The following INSL6 variants were observed in gnomAD, a reference collection of about 807,000 sequenced individuals.
INSL6 encodes insulin-like peptide INSL6.
In INSL6, 16 loss-of-function variants were observed where a neutral mutation model predicts 9.4. That is an observed-to-expected ratio of 1.70 (90% CI 1.15 to 2.59). The LOEUF (loss-of-function observed/expected upper bound fraction) is 2.59. Among genes scored for constraint, INSL6 ranks in the 30% most tolerant of loss-of-function variants. The pLI is 0.00. For missense variants in INSL6, 391 were observed against 257.3 expected, an observed-to-expected ratio of 1.52 and a Z score of -3.56; for synonymous variants, 154 against 96.9, an observed-to-expected ratio of 1.59 and a Z score of -3.46.
At chr9:5,126,107 A>AG in intron 3 of INSL6, 1 of 386,112 alleles carries the variant, frequency 2.6e-6, no homozygotes, top group African/African-American at 2.1e-5. Context: ...AGCCCTCCTC[A>AG]GGGGATTTGT....
downstream of INSL6, among the ~76,000 whole-genome samples, chr9:5,162,555 C>G (rs1302202502): frequency 6.6e-6 from 1 of 152,082 alleles, no homozygotes; most frequent in Non-Finnish European, 1.5e-5. Flanking sequence ...GTATTTTAGC[C>G]AAAGCATAGA....
At chr9:5,123,721 C>A (rs1823785175), downstream of INSL6, among the ~76,000 whole-genome samples, 1 of 151,848 alleles carries the variant, frequency 6.6e-6, no homozygotes, top group Non-Finnish European at 1.5e-5. Context: ...TCTGAGAAAT[C>A]TTTATAATGT....
At chr9:5,118,385 T>C in the INSL6 span, among the ~76,000 whole-genome samples, 1 of 152,220 alleles carries the variant, frequency 6.6e-6, no homozygotes, top group Non-Finnish European at 1.5e-5. Context: ...AAGATATGTA[T>C]ATAAGTAAGT....
chr9:5,062,305 G>GTTACATACAAT, the INSL6 span, among the ~76,000 whole-genome samples: 2 of 151,836 alleles, frequency 1.3e-5, no homozygotes, highest in Non-Finnish European at 2.9e-5. Context: ...CTTGTATTCT[G>GTTACATACAAT]AGGGACAACT....
At chr9:5,080,554 A>G in the INSL6 span, 1 of 1,594,050 alleles carries the variant, frequency 6.3e-7, no homozygotes, top group South Asian at 1.2e-5. Flanking sequence ...TTATGAAGAT[A>G]GGCATCAGCT....
At chr9:5,138,912 T>A (rs933474567) in intron 2 of INSL6, among the ~76,000 whole-genome samples, 1 of 132,636 alleles carries the variant, frequency 7.5e-6, no homozygotes, top group African/African-American at 3.0e-5. Flanking sequence ...ACAAAAAAAA[T>A]AAATATAATA....
intron 2 of INSL6, among the ~76,000 whole-genome samples, chr9:5,137,081 A>C (rs916754715): frequency 6.6e-6 from 1 of 152,230 alleles, no homozygotes; most frequent in Non-Finnish European, 1.5e-5. Context: ...GACCTCTTCA[A>C]GGAGAACTAC....
At chr9:5,072,012 A>C in the INSL6 span, among the ~76,000 whole-genome samples, 1 of 152,188 alleles carries the variant, frequency 6.6e-6, no homozygotes, top group Non-Finnish European at 1.5e-5. Context: ...ATCCTATGGG[A>C]AAATAGTTAT....
At chr9:5,072,236 T>A in the INSL6 span, among the ~76,000 whole-genome samples, 1 of 152,134 alleles carries the variant, frequency 6.6e-6, no homozygotes, top group Non-Finnish European at 1.5e-5. Context: ...GTGACAATTA[T>A]AGCCCATTCA....
the INSL6 span, chr9:5,099,139 A>G: frequency 6.6e-6 from 1 of 152,218 alleles, no homozygotes; most frequent in Non-Finnish European, 1.5e-5. Context: ...GCACTCATGA[A>G]CTATCCCCTT....
chr9:5,013,853 G>A, the INSL6 span, among the ~76,000 whole-genome samples: 33 of 151,950 alleles, frequency 2.2e-4, no homozygotes, highest in Admixed American at 3.9e-4. Flanking sequence ...GAGGAACAGC[G>A]GAAATTTAAT....
intron 2 of INSL6, among the ~76,000 whole-genome samples, chr9:5,151,529 T>C (rs973634436): frequency 2.0e-5 from 3 of 151,756 alleles, no homozygotes; most frequent in African/African-American, 7.3e-5. Context: ...GGAAAGAAAA[T>C]TGAAGTATAC....
chr9:5,082,157 G>T, the INSL6 span, among the ~76,000 whole-genome samples: 1 of 152,184 alleles, frequency 6.6e-6, no homozygotes, highest in South Asian at 2.1e-4. Context: ...CAGGGGACCA[G>T]TGCTCAGCAT....
downstream of INSL6, among the ~76,000 whole-genome samples, chr9:5,159,564 T>C (rs1187252259): frequency 2.0e-5 from 3 of 152,188 alleles, no homozygotes; most frequent in Admixed American, 6.5e-5. Context: ...AAGATCATTA[T>C]ATAATATTAA....
chr9:5,165,815 C>A (rs910063177), intron 1 of INSL6, among the ~76,000 whole-genome samples: 1 of 152,170 alleles, frequency 6.6e-6, no homozygotes, highest in South Asian at 2.1e-4. Flanking sequence ...ACTTATTGTA[C>A]TTCCATTATG....
chr9:5,100,830 A>T, the INSL6 span: 4 of 152,342 alleles, frequency 2.6e-5, no homozygotes, highest in African/African-American at 9.7e-5. Context: ...CATTCTTTAC[A>T]GCCACAGGCT....
At chr9:5,041,666 C>G in the INSL6 span, 3 of 509,840 alleles carry the variant, frequency 5.9e-6, no homozygotes, top group South Asian at 4.5e-5. Flanking sequence ...TGCGGAAGCT[C>G]TCCAGCTACC....
At chr9:5,082,814 C>G in the INSL6 span, among the ~76,000 whole-genome samples, 1 of 152,342 alleles carries the variant, frequency 6.6e-6, no homozygotes, top group Non-Finnish European at 1.5e-5. Context: ...CCTACACAGC[C>G]CTAGCCTTAA....
At chr9:5,121,992 A>G (rs1823650177), downstream of INSL6, among the ~76,000 whole-genome samples, 1 of 152,178 alleles carries the variant, frequency 6.6e-6, no homozygotes, top group East Asian at 1.9e-4. Flanking sequence ...GATATGTAAA[A>G]TTTGTAAAGA....
Sources: allele counts gnomAD v4.1 joint callset (sites outside exome capture counted in the v4.1 genomes callset), GRCh38; gene constraint gnomAD v4.1.1; transcripts MANE v1.5; gene names NCBI Gene and HGNC (gene_info 2026-07-23, HGNC 2026-07-21).